Variants in MATR3 observed in about 807,000 individuals in gnomAD.
The protein encoded by MATR3 is matrin 3.
MATR3 carries 4 observed loss-of-function variants against 85.5 expected under a neutral mutation model. The ratio of observed to expected loss-of-function variants is 0.05; its 90% confidence interval spans 0.02 to 0.11. MATR3 has a LOEUF of 0.11. MATR3 is among the 10% of genes least tolerant of loss of function. The pLI is 1.00. For synonymous variants in MATR3, 336 were observed against 343.1 expected, an observed-to-expected ratio of 0.98 and a Z score of 0.23; for missense variants, 685 against 1,016.1, an observed-to-expected ratio of 0.67 and a Z score of 4.43.
At position 139,296,464 on chromosome 5, in the gene MATR3, C is replaced by T. The variant is rs1163176355; in HGVS notation, c.-178+2659C>T. Among the ~76,000 whole-genome samples the T allele has an allele frequency of 3.9e-5, 6 of 152,014 alleles. No homozygotes were observed. In the South Asian group the frequency reaches 1.2e-3, roughly 31 times the overall value. The stretch of plus-strand genomic sequence containing the variant: ...ACTCCCTGATGTTTTTCTGAATTTA[C>T]CACGAGAAATAACATCAACTTTTGT... On this transcript the variant is annotated intron_variant, in intron 1 of 14. Transcript: ENST00000394805.
intron 13 of MATR3, 145 bp from the exon 14 acceptor site, chr5:139,326,018 T>A: frequency 1.4e-6 from 1 of 725,126 alleles, no homozygotes; most frequent in Admixed American, 2.9e-5. Context: ...AAGCAAAATA[T>A]GGTTCGGTTT....
intron 3 of MATR3, 115 bp from the exon 4 acceptor site, chr5:139,315,582 A>T: frequency 1.4e-6 from 1 of 731,432 alleles, no homozygotes. Flanking sequence ...TGTTTCTAAC[A>T]CTTAGACTCT....
Position 139,331,133 on chromosome 5 carries a change from A to C in MATR3, c.*1738A>C. On this transcript the variant is annotated 3_prime_UTR_variant, in exon 15 of 15. Coordinates refer to ENST00000394805, the MANE Select transcript of MATR3 (RefSeq NM_018834.6). Reference sequence around the variant, plus strand: ...TTTCAAAAAAATCTACAAAAACAGGATAGGCATTGTCTTTCAAATGTTCAG... The same window carrying C: ...TTTCAAAAAAATCTACAAAAACAGGCTAGGCATTGTCTTTCAAATGTTCAG... 2.2e-6 allele frequency: 1 copy of C among 454,148 alleles called. No individual in the cohort carries two copies. Among genetic ancestry groups the C allele is most frequent in the South Asian group, 1.6e-5 (1 of 64,484 alleles). 28.1% of individuals were successfully genotyped at this position (454,148 alleles called of 1,614,324 possible). A position where few individuals can be genotyped will look rare whatever the true frequency, so the allele number is the denominator to read the frequency against.
intron 2 of MATR3, chr5:139,313,298 A>T (rs1755084355): frequency 6.6e-6 from 1 of 150,814 alleles, no homozygotes; most frequent in Non-Finnish European, 1.5e-5. Flanking sequence ...GTAAAACAAG[A>T]CTGCTTTATA....
chr5:139,329,605 A>G lies in MATR3; in HGVS notation c.*210A>G, dbSNP rs1429126345. 4 of 564,908 alleles carry G rather than the reference A, an allele frequency of 7.1e-6. No individual in the cohort carries two copies. The highest frequency in any genetic ancestry group is 1.9e-5 in the African/African-American group (1 of 53,546). 35.0% of individuals were successfully genotyped at this position (564,908 alleles called of 1,614,324 possible). ...GTTAATGAATAGTTTTTGTTTTATC[A>G]GAATGGCAACAGACAGAAGTACTTT... is the stretch of plus-strand genomic sequence containing the variant. On this transcript the variant is annotated 3_prime_UTR_variant, in exon 15 of 15. Coordinates refer to ENST00000394805, the MANE Select transcript of MATR3 (RefSeq NM_018834.6).
At position 139,287,022 on chromosome 5, in the gene MATR3, T is replaced by TA. The variant is rs545152417; in HGVS notation, c.-178+7894dup. On this transcript the variant is annotated intron_variant, in intron 3 of 16. Transcript: ENST00000509990. Reference sequence around the variant, plus strand: ...GTGCCTAGTATACAATAGTAATAAATAGTCTCTCAAATATTAGTTGGCTGC... The same window carrying TA: ...GTGCCTAGTATACAATAGTAATAAATAAGTCTCTCAAATATTAGTTGGCTGC... Among the ~76,000 whole-genome samples, 51 of 152,348 alleles carry TA rather than the reference T, an allele frequency of 3.3e-4. 1 individual carries two copies. Among genetic ancestry groups the TA allele is most frequent in the African/African-American group, 9.4e-4 (39 of 41,582 alleles).
rs1212277639 is a variant in MATR3 at position 139,329,451 on chromosome 5, G to A, written c.*56G>A. On this transcript the variant is annotated 3_prime_UTR_variant, in exon 15 of 15. Transcript: ENST00000394805. The stretch of plus-strand genomic sequence containing the variant: ...AAAATAATGGTTCTTTGTTTTTAAT[G>A]TTAACCTTTTTTAAATACAATACTG... 4 of 1,420,372 alleles carry A rather than the reference G, an allele frequency of 2.8e-6. No individual in the cohort carries two copies. Among genetic ancestry groups the A allele is most frequent in the Non-Finnish European group, 4.0e-6 (4 of 1,008,688 alleles). The allele number at this position is 1,420,372 out of a possible 1,614,324, so 88.0% of individuals were successfully genotyped here. A position where few individuals can be genotyped will look rare whatever the true frequency, so the allele number is the denominator to read the frequency against.
At position 139,307,183 on chromosome 5, in the gene MATR3, A is replaced by C; in HGVS notation, c.-177-56A>C. On this transcript the variant is annotated intron_variant, in intron 1 of 14. Coordinates refer to ENST00000394805, the MANE Select transcript of MATR3 (RefSeq NM_018834.6). The surrounding 1 kb of genome is among the most constrained non-coding windows in gnomAD (Gnocchi z 4.4). ...ATGATGCATAAGTTTTTTTTTCTTA[A>C]AAAAACGGCATCTGCTTAAAGGGAT... 1 of 1,192,590 alleles carries C rather than the reference A, an allele frequency of 8.4e-7. No homozygotes were observed. The highest frequency in any genetic ancestry group is 3.5e-5 in the South Asian group (1 of 28,244). 73.9% of individuals were successfully genotyped at this position (1,192,590 alleles called of 1,614,324 possible). A position where few individuals can be genotyped will look rare whatever the true frequency, so the allele number is the denominator to read the frequency against.
chr5:139,314,621 A>T, intron 2 of MATR3, 54 bp from the exon 3 acceptor site: 2 of 1,434,056 alleles, frequency 1.4e-6, no homozygotes, highest in Non-Finnish European at 2.0e-6. Context: ...AATGGTTCAG[A>T]TGAAAATATT....
chr5:139,316,371 G>A (rs962490652), intron 5 of MATR3, among the ~76,000 whole-genome samples, 183 bp downstream of exon 5: 2 of 151,716 alleles, frequency 1.3e-5, no homozygotes, highest in South Asian at 2.1e-4. Flanking sequence ...TCAGCCTACC[G>A]AGTAGCTGGG....
chr5:139,322,047 T>A lies in MATR3; in HGVS notation c.1734+18T>A. ...TTCTGAGGGTATGTAGTATTTGATT[T>A]GTCATCATTTAACAGCTTGTTTTTA... On this transcript the variant is annotated intron_variant, in intron 10 of 14. Transcript: ENST00000394805. The A allele has an allele frequency of 6.2e-7, 1 of 1,613,462 alleles. No homozygotes were observed. The highest frequency in any genetic ancestry group is 8.5e-7 in the Non-Finnish European group (1 of 1,179,498).
chr5:139,298,347 G>T lies in MATR3; in HGVS notation c.-178+4542G>T, dbSNP rs138099496. Among the ~76,000 whole-genome samples, 33 of 152,330 alleles carry T rather than the reference G, an allele frequency of 2.2e-4. No individual in the cohort carries two copies. The East Asian group carries it at 6.0e-3, about 28-fold the overall frequency. ...AGCACTTTGGGGGCTGAGGTGGGCA[G>T]ATCACTTCAGGCCAGGAGTTCGAGA... is the stretch of plus-strand genomic sequence containing the variant. On this transcript the variant is annotated intron_variant, in intron 1 of 14. Transcript: ENST00000394805.
intron 14 of MATR3, among the ~76,000 whole-genome samples, chr5:139,328,439 GTGTCTTAA>G (rs1392258986): frequency 1.3e-5 from 2 of 152,084 alleles, no homozygotes; most frequent in African/African-American, 2.4e-5. Context: ...ACTTTCATTA[GTGTCTTAA>G]TGGAGCTCCC....
chr5:139,330,160 T>C lies in MATR3; in HGVS notation c.*765T>C. 2.2e-6 allele frequency: 1 copy of C among 454,546 alleles called. No homozygotes were observed. Among genetic ancestry groups the C allele is most frequent in the Non-Finnish European group, 4.4e-6 (1 of 226,778 alleles). The allele number at this position is 454,546 out of a possible 1,614,324, so 28.2% of individuals were successfully genotyped here. On this transcript the variant is annotated 3_prime_UTR_variant, in exon 15 of 15. Transcript: ENST00000394805. ...ATCTCTGGTATAAGCAACATTTGAT[T>C]TTTGAAGTGTGTAGACCATCTCTTC...
chr5:139,285,673 C>CA (rs937193075), intron 3 of MATR3, among the ~76,000 whole-genome samples: 5 of 150,758 alleles, frequency 3.3e-5, no homozygotes, highest in African/African-American at 4.9e-5. Context: ...AACTCCGTCT[C>CA]AAAAAAAAGA....
chr5:139,280,401 G>A (rs962793867), intron 3 of MATR3, among the ~76,000 whole-genome samples: 4 of 152,192 alleles, frequency 2.6e-5, no homozygotes, highest in Admixed American at 1.3e-4. Context: ...CAATAGCAAT[G>A]TGTCTTTCTG....
chr5:139,322,316 A>C (rs1311551441), intron 10 of MATR3, 147 bp from the exon 11 acceptor site: 1 of 812,798 alleles, frequency 1.2e-6, no homozygotes, highest in Non-Finnish European at 2.1e-6. Context: ...GTCATGATGA[A>C]TGTCTGTAGG....
exon 1 of MATR3, chr5:139,274,124 G>C (rs1340814840): frequency 2.2e-6 from 1 of 446,964 alleles, no homozygotes. Context: ...GGCCTCTGCC[G>C]GTGCTGCTGC....
chr5:139,327,298 A>G (rs1581264541), intron 14 of MATR3, among the ~76,000 whole-genome samples: 1 of 144,558 alleles, frequency 6.9e-6, no homozygotes, highest in African/African-American at 2.6e-5. Flanking sequence ...GCTGTGTGTC[A>G]CTTCTGTTTT....
Sources: allele counts gnomAD v4.1 joint callset (sites outside exome capture counted in the v4.1 genomes callset), GRCh38; gene constraint gnomAD v4.1.1; non-coding constraint Gnocchi (gnomAD v3.1); transcripts MANE v1.5; gene names NCBI Gene and HGNC (gene_info 2026-07-23, HGNC 2026-07-21).